Variants in FAR1 observed in about 807,000 individuals in gnomAD.
The protein encoded by FAR1 is male sterility domain-containing protein 2.
A neutral mutation model predicts 61.1 loss-of-function variants in FAR1; 22 were observed. The observed-to-expected ratio is 0.36, with a 90% CI of 0.26 to 0.51. The LOEUF is 0.51. FAR1 is among the 20% of genes least tolerant of loss of function. The pLI, the probability that FAR1 is intolerant of heterozygous loss-of-function variation, is 0.95. For missense variants in FAR1, 359 were observed against 626.9 expected (o/e 0.57, Z 4.56); for synonymous variants, 206 against 209.7 (o/e 0.98, Z 0.15).
chr11:13,683,884 G>C (rs577150617), intron 1 of FAR1, among the ~76,000 whole-genome samples: 14 of 152,324 alleles, frequency 9.2e-5, no homozygotes, highest in African/African-American at 3.4e-4. Flanking sequence ...ATGTGTAGCA[G>C]CTAAAACATG....
At chr11:13,718,539 T>TA (rs1565351557) in intron 9 of FAR1, among the ~76,000 whole-genome samples, 1 of 152,140 alleles carries the variant, frequency 6.6e-6, no homozygotes, top group Non-Finnish European at 1.5e-5. Context: ...TCACAGGCCT[T>TA]AGAGATTTTG....
chr11:13,719,293 G>A (rs1394788871), intron 9 of FAR1, among the ~76,000 whole-genome samples: 1 of 152,150 alleles, frequency 6.6e-6, no homozygotes, highest in African/African-American at 2.4e-5. Flanking sequence ...TGACCTCCGG[G>A]AGCTTATAAT....
intron 1 of FAR1, among the ~76,000 whole-genome samples, chr11:13,688,983 C>G (rs1426656028): frequency 2.6e-5 from 4 of 152,008 alleles, no homozygotes; most frequent in Non-Finnish European, 4.4e-5. Flanking sequence ...CTTTTTGTCA[C>G]TGAAATCTTG....
Position 13,723,967 on chromosome 11 carries a change from G to C in FAR1, c.1257+2108G>C, listed in dbSNP as rs147718533. Reference sequence around the variant, plus strand: ...ATTCTGCTTCTGATAATTTAAACTTGCAGATGATTTGCAGCATCTGATTCT... The same window carrying C: ...ATTCTGCTTCTGATAATTTAAACTTCCAGATGATTTGCAGCATCTGATTCT... On this transcript the variant is annotated intron_variant, in intron 10 of 11. Transcript: ENST00000354817. Among the ~76,000 whole-genome samples, 220 of 152,254 alleles carry C rather than the reference G, an allele frequency of 1.4e-3. 1 individual carries two copies. The highest frequency in any genetic ancestry group is 5.1e-3 in the African/African-American group (212 of 41,552).
At chr11:13,716,621 T>C (rs937576069) in intron 9 of FAR1, among the ~76,000 whole-genome samples, 5 of 152,194 alleles carry the variant, frequency 3.3e-5, no homozygotes, top group Admixed American at 1.3e-4. Flanking sequence ...AGCTGATGGC[T>C]TCAAGGGGGA....
At position 13,708,065 on chromosome 11, in the gene FAR1, G is replaced by A; in HGVS notation, c.531G>A (p.Leu177=). The A allele has an allele frequency of 1.3e-6, 2 of 1,588,108 alleles. No individual in the cohort carries two copies. Among genetic ancestry groups the A allele is most frequent in the Non-Finnish European group, 1.7e-6 (2 of 1,168,488 alleles). The part of the protein sequence containing the change: ...VYPPPVDPKK[L]IDSLEWMDDG... ...CACCACCTGTGGATCCCAAGAAGCTGATTGATTCTTTAGAGTATGTTTGTT... is the reference window on the plus strand; with the variant it reads ...CACCACCTGTGGATCCCAAGAAGCTAATTGATTCTTTAGAGTATGTTTGTT... Residue 177 remains leucine, a synonymous_variant, in exon 4 of 12, where the codon CTG becomes CTA. Coordinates refer to ENST00000354817, the MANE Select transcript of FAR1 (RefSeq NM_032228.6).
At chr11:13,717,254 T>C (rs921319272) in intron 9 of FAR1, among the ~76,000 whole-genome samples, 1 of 152,010 alleles carries the variant, frequency 6.6e-6, no homozygotes, top group African/African-American at 2.4e-5. Context: ...TGACGCTCTT[T>C]AGGAGTGATT....
chr11:13,697,545 G>A (rs187607481), intron 2 of FAR1, among the ~76,000 whole-genome samples: 3 of 152,208 alleles, frequency 2.0e-5, no homozygotes, highest in Non-Finnish European at 2.9e-5. Context: ...ATTAGTAAAC[G>A]TAGTAAAGTA....
At chr11:13,715,301 C>CTTAGAA (rs1471033523) in intron 9 of FAR1, among the ~76,000 whole-genome samples, 1 of 152,138 alleles carries the variant, frequency 6.6e-6, no homozygotes, top group Non-Finnish European at 1.5e-5. Flanking sequence ...ATTTGGAGAT[C>CTTAGAA]TTTGGGGACA....
chr11:13,685,292 T>G (rs11022934), intron 1 of FAR1, among the ~76,000 whole-genome samples: 5,298 of 152,180 alleles, frequency 0.035, 118 homozygotes, highest in Non-Finnish European at 0.047. Flanking sequence ...GATTTTTTTT[T>G]TTTTGTTTTT....
chr11:13,690,169 G>A (rs1387372141), intron 1 of FAR1, among the ~76,000 whole-genome samples: 6 of 151,990 alleles, frequency 3.9e-5, no homozygotes, highest in African/African-American at 7.2e-5. Context: ...GAACCACCGC[G>A]CCTGGCCCAA....
At chr11:13,709,049 T>G (rs1438225574) in intron 4 of FAR1, among the ~76,000 whole-genome samples, 1 of 152,202 alleles carries the variant, frequency 6.6e-6, no homozygotes, top group Non-Finnish European at 1.5e-5. Context: ...AACATTCCAG[T>G]ATCCACCATA....
chr11:13,700,294 T>C, intron 2 of FAR1, 23 bp from the exon 3 acceptor site: 3 of 1,537,318 alleles, frequency 2.0e-6, no homozygotes, highest in Non-Finnish European at 1.7e-6. Flanking sequence ...TGCTGTAAAA[T>C]AAATATTTTT....
intron 3 of FAR1, among the ~76,000 whole-genome samples, chr11:13,700,977 ATAAAT>A (rs1332918262): frequency 1.3e-5 from 2 of 152,110 alleles, no homozygotes; most frequent in South Asian, 2.1e-4. Context: ...TATGTTGGAC[ATAAAT>A]TTAATTTAAA....
intron 1 of FAR1, among the ~76,000 whole-genome samples, chr11:13,672,543 T>C (rs1320914609): frequency 9.6e-6 from 1 of 103,740 alleles, no homozygotes; most frequent in Non-Finnish European, 2.1e-5. Flanking sequence ...AGACCCTGTC[T>C]CAAAAAAAAA....
chr11:13,709,615 C>T (rs1275861894), intron 4 of FAR1, among the ~76,000 whole-genome samples: 1 of 151,974 alleles, frequency 6.6e-6, no homozygotes, highest in Admixed American at 6.6e-5. Context: ...TGAGTTTAGG[C>T]AGGTTTTTTT....
intron 1 of FAR1, among the ~76,000 whole-genome samples, chr11:13,690,854 C>T (rs1204589375): frequency 1.3e-5 from 2 of 152,086 alleles, no homozygotes; most frequent in Non-Finnish European, 2.9e-5. Context: ...GTATATGTCT[C>T]CACTTATTTA....
At chr11:13,693,071 C>T (rs1055883110) in intron 1 of FAR1, among the ~76,000 whole-genome samples, 3 of 152,144 alleles carry the variant, frequency 2.0e-5, no homozygotes, top group Non-Finnish European at 2.9e-5. Flanking sequence ...TGATTGAGAA[C>T]TCTGCGTGAG....
intron 1 of FAR1, among the ~76,000 whole-genome samples, chr11:13,670,512 G>C (rs1847988775): frequency 6.6e-6 from 1 of 151,984 alleles, no homozygotes; most frequent in Non-Finnish European, 1.5e-5. Context: ...GGCTGGTCTC[G>C]AACCCCTGAC....
Sources: gnomAD v4.1 joint callset for allele counts (sites outside exome capture counted in the v4.1 genomes callset) on GRCh38, gnomAD v4.1.1 for gene constraint, MANE v1.5 for transcripts, NCBI Gene and HGNC (gene_info 2026-07-23, HGNC 2026-07-21) for gene names.